Variants in NACC2 observed in about 807,000 individuals in gnomAD.
NACC2 encodes nucleus accumbens-associated protein 2.
NACC2 carries 8 observed loss-of-function variants against 25.1 expected under a neutral mutation model. That is an observed-to-expected ratio of 0.32 (90% confidence interval 0.19 to 0.57). NACC2 has a LOEUF of 0.57. Ranked by LOEUF, NACC2 falls within the 20% of genes least tolerant of loss-of-function variation. The probability of loss-of-function intolerance (pLI) is 0.89; values close to 1 mark genes in which losing one functional copy is unlikely to be tolerated. For synonymous variants in NACC2, 435 were observed against 294.7 expected (o/e 1.48, Z -4.88); for missense variants, 644 against 650.2 (o/e 0.99, Z 0.10).
intron 1 of NACC2, among the ~76,000 whole-genome samples, chr9:136,065,646 A>G (rs1841070634): frequency 6.6e-6 from 1 of 152,004 alleles, no homozygotes; most frequent in Non-Finnish European, 1.5e-5. Context: ...AAATAAACAA[A>G]TAATAAAAAA....
intron 2 of NACC2, among the ~76,000 whole-genome samples, chr9:136,036,123 G>A (rs907112937): frequency 2.0e-5 from 3 of 152,044 alleles, no homozygotes; most frequent in South Asian, 2.1e-4. Context: ...AGTGTAGAAC[G>A]TGCAAAGTGG....
In NACC2 at chr9:136,071,005, G is replaced by A. The variant is rs537476269; in HGVS notation, c.-59-20425C>T. Among the ~76,000 whole-genome samples, 251 of 150,864 alleles carry A rather than the reference G, an allele frequency of 1.7e-3. 8 individuals are homozygous for A. The highest frequency in any genetic ancestry group is 5.4e-3 in the African/African-American group (219 of 40,684). On this transcript the variant is annotated intron_variant, in intron 1 of 5. Transcript: ENST00000277554. ...AGCACTTTGGGAGGCTGAGGTAGGC[G>A]GATCTCTTGAGGTCAGGAGTTCAAG...
At chr9:136,028,173 G>C (rs571305074) in intron 2 of NACC2, among the ~76,000 whole-genome samples, 7 of 147,914 alleles carry the variant, frequency 4.7e-5, no homozygotes, top group African/African-American at 1.2e-4. Flanking sequence ...AGTGGCAGGA[G>C]CCACTCCAGC....
intron 1 of NACC2, among the ~76,000 whole-genome samples, chr9:136,090,747 T>C (rs2131193045): frequency 6.6e-6 from 1 of 152,282 alleles, no homozygotes; most frequent in African/African-American, 2.4e-5. Flanking sequence ...AGGCTGATGC[T>C]CTACCCCTTC....
At chr9:136,033,750 G>A (rs1337432283) in intron 2 of NACC2, among the ~76,000 whole-genome samples, 4 of 151,544 alleles carry the variant, frequency 2.6e-5, no homozygotes, top group African/African-American at 9.7e-5. Context: ...TTGCTTTGGA[G>A]AGTATCAGTA....
chr9:136,010,612 A>AC lies in NACC2; in HGVS notation c.*903_*904insG, dbSNP rs940845323. The AC allele has an allele frequency of 6.6e-6, 1 of 152,230 alleles. No homozygotes were observed. Among genetic ancestry groups the AC allele is most frequent in the Non-Finnish European group, 1.5e-5 (1 of 68,048 alleles). 9.4% of individuals were successfully genotyped at this position (152,230 alleles called of 1,614,324 possible). On this transcript the variant is annotated 3_prime_UTR_variant, in exon 6 of 6. Transcript: ENST00000277554. The surrounding 1 kb of genome is among the most constrained non-coding windows in gnomAD (Gnocchi z 4.9). Reference sequence around the variant, plus strand: ...AAAGTTTTTGTTCTATTGAGTCTGAAAGTTTCCAAACCATATATGAAATAG... The same window carrying AC: ...AAAGTTTTTGTTCTATTGAGTCTGAACAGTTTCCAAACCATATATGAAATAG...
chr9:136,065,004 T>C (rs60257854), intron 1 of NACC2, among the ~76,000 whole-genome samples: 15,728 of 152,274 alleles, frequency 0.1, 898 homozygotes, highest in African/African-American at 0.13. Context: ...GATAGCCACA[T>C]GCAAAAGAAT....
rs992379935 is a variant in NACC2, at chr9:136,007,006, C to T, written c.*4510G>A. ...GTCTCTTTTTTCCAAACATTCCATCCGAAGGATGGATGCTCTACTTGCACC... is the reference window on the plus strand; with the variant it reads ...GTCTCTTTTTTCCAAACATTCCATCTGAAGGATGGATGCTCTACTTGCACC... On this transcript the variant is annotated 3_prime_UTR_variant, in exon 6 of 6. Coordinates refer to ENST00000277554, the MANE Select transcript of NACC2 (RefSeq NM_144653.5). 1.9e-5 allele frequency: 3 copies of T among 154,132 alleles called. No homozygotes were observed. The highest frequency in any genetic ancestry group is 2.9e-5 in the Non-Finnish European group (2 of 68,214). The allele number at this position is 154,132 out of a possible 1,614,324, so 9.5% of individuals were successfully genotyped here. A position where few individuals can be genotyped will look rare whatever the true frequency, so the allele number is the denominator to read the frequency against.
rs1296085568 is a variant in NACC2, at chr9:136,049,912, C to T, written c.610G>A (p.Ala204Thr). 5.2e-6 allele frequency: 3 copies of T among 580,354 alleles called. No homozygotes were observed. The highest frequency in any genetic ancestry group is 6.4e-5 in the East Asian group (2 of 31,364). 36.0% of individuals were successfully genotyped at this position (580,354 alleles called of 1,614,324 possible). The part of the protein sequence containing the change: ...ETGPRDGVAV[A>T]AGAAVAAGTA... ...CCCGCCGCCACCGCAGCCCCCGCGG[C>T]CACCGCCACGCCGTCCCGGGGCCCC... The change falls in exon 2 of 6, where the codon GCC (alanine) becomes ACC (threonine). Residue 204 changes from alanine (A) to threonine (T), a missense_variant. Coordinates refer to ENST00000277554, the MANE Select transcript of NACC2 (RefSeq NM_144653.5).
rs1034372220 is a variant in NACC2 at position 136,052,297 on chromosome 9, T to C, written c.-59-1717A>G. Among the ~76,000 whole-genome samples the C allele has an allele frequency of 2.6e-4, 39 of 152,286 alleles. 1 individual carries two copies. The East Asian group carries it at 7.2e-3, about 28-fold the overall frequency. The stretch of plus-strand genomic sequence containing the variant: ...CAGCCTGGAAATTTATGGTGCAGTT[T>C]TGCATATGAATTACCCAGTAAACTG... On this transcript the variant is annotated intron_variant, in intron 1 of 5. Coordinates refer to ENST00000277554, the MANE Select transcript of NACC2 (RefSeq NM_144653.5).
At chr9:136,076,495 G>A (rs1462357464) in intron 1 of NACC2, among the ~76,000 whole-genome samples, 2 of 152,190 alleles carry the variant, frequency 1.3e-5, no homozygotes, top group African/African-American at 4.8e-5. Flanking sequence ...GAGCAGGACA[G>A]TTCAGAGACA....
chr9:136,017,942 C>T (rs532420100), intron 2 of NACC2, among the ~76,000 whole-genome samples: 25 of 152,300 alleles, frequency 1.6e-4, no homozygotes, highest in Admixed American at 3.9e-4. Context: ...TTGGGCCACC[C>T]GGGGCTGGAC....
At chr9:136,092,975 G>A (rs1159035283) in intron 1 of NACC2, among the ~76,000 whole-genome samples, 2 of 152,192 alleles carry the variant, frequency 1.3e-5, no homozygotes, top group Non-Finnish European at 2.9e-5. Context: ...GCTAGAACAG[G>A]GCTGGCTGAG....
chr9:136,068,152 G>A lies in NACC2; in HGVS notation c.-59-17572C>T, dbSNP rs552321726. 2.0e-5 allele frequency among the ~76,000 whole-genome samples: 3 copies of A among 152,296 alleles called. No homozygotes were observed. The South Asian group carries it at 6.2e-4, about 32-fold the overall frequency. On this transcript the variant is annotated intron_variant, in intron 1 of 5. Transcript: ENST00000277554. Reference sequence around the variant, plus strand: ...TGGGATATTACTATATGCTACTAAAGACTGTATAAACACCGAACATTTAGG... The same window carrying A: ...TGGGATATTACTATATGCTACTAAAAACTGTATAAACACCGAACATTTAGG...
chr9:136,053,257 T>G (rs1840875037), intron 1 of NACC2, among the ~76,000 whole-genome samples: 1 of 152,154 alleles, frequency 6.6e-6, no homozygotes, highest in South Asian at 2.1e-4. Flanking sequence ...CACCATGGGC[T>G]CAGCTTCTCC....
rs895720315 is a variant in NACC2 at position 136,055,349 on chromosome 9, G to T, written c.-59-4769C>A. Among the ~76,000 whole-genome samples the T allele has an allele frequency of 6.6e-6, 1 of 152,248 alleles. No homozygotes were observed. Among genetic ancestry groups the T allele is most frequent in the Middle Eastern group, 3.4e-3 (1 of 294 alleles). On this transcript the variant is annotated intron_variant, in intron 1 of 5. Transcript: ENST00000277554. The surrounding 1 kb of genome is among the most constrained non-coding windows in gnomAD (Gnocchi z 4.9). ...GTTGGTGCCAGGCCAGGGCACCTGG[G>T]TCCTGGCATCAAGTACCCAGGAGCA...
At chr9:136,015,477 C>G (rs73668053) in intron 3 of NACC2, among the ~76,000 whole-genome samples, 1 of 152,208 alleles carries the variant, frequency 6.6e-6, no homozygotes, top group Non-Finnish European at 1.5e-5. Flanking sequence ...AGCTGGAAGG[C>G]GAGGCCAGCC....
At chr9:136,021,513 T>C (rs1007655008) in intron 2 of NACC2, among the ~76,000 whole-genome samples, 7 of 152,040 alleles carry the variant, frequency 4.6e-5, no homozygotes, top group Non-Finnish European at 7.4e-5. Flanking sequence ...CTGGGGAGAG[T>C]GCAAAGTGGC....
intron 1 of NACC2, among the ~76,000 whole-genome samples, chr9:136,057,032 G>C (rs750685956): frequency 6.6e-6 from 1 of 152,180 alleles, no homozygotes; most frequent in Non-Finnish European, 1.5e-5. Flanking sequence ...CACCCCCAGG[G>C]TGGGCCTCCA....
Sources: gnomAD v4.1 joint callset for allele counts (sites outside exome capture counted in the v4.1 genomes callset) on GRCh38, gnomAD v4.1.1 for gene constraint, Gnocchi (gnomAD v3.1) non-coding constraint, MANE v1.5 for transcripts, NCBI Gene and HGNC (gene_info 2026-07-23, HGNC 2026-07-21) for gene names.